LRP1B: variants seen among roughly 807,000 people sequenced by gnomAD.
LRP1B encodes LDL receptor related protein 1B, also known as low-density lipoprotein receptor-related protein 1B.
In LRP1B, 217 loss-of-function variants were observed where a neutral mutation model predicts 556.6. That is an observed-to-expected ratio of 0.39 (90% CI 0.35 to 0.44). The LOEUF (loss-of-function observed/expected upper bound fraction) is 0.44. Among genes scored for constraint, LRP1B ranks in the 20% least tolerant of loss-of-function variants. The pLI is 1.00. For synonymous variants in LRP1B, 2,047 were observed against 1,865.8 expected, an observed-to-expected ratio of 1.10 and a Z score of -2.50; for missense variants, 5,053 against 5,620.8, an observed-to-expected ratio of 0.90 and a Z score of 3.23.
rs563066311 is a variant in LRP1B at position 141,044,618 on chromosome 2, A to G, written c.1789+4368T>C. On this transcript the variant is annotated intron_variant, in intron 11 of 90. Transcript: ENST00000389484. ...ATCAAAAAGTGGGCAAAGGACATGAACAGACACTTCTCAAAAGAAGACATT... is the reference window on the plus strand; with the variant it reads ...ATCAAAAAGTGGGCAAAGGACATGAGCAGACACTTCTCAAAAGAAGACATT... Among the ~76,000 whole-genome samples the G allele has an allele frequency of 1.1e-4, 17 of 152,054 alleles. No individual in the cohort carries two copies. The South Asian group carries it at 3.3e-3, about 30-fold the overall frequency.
At chr2:141,770,690 T>G (rs1001153789) in intron 2 of LRP1B, among the ~76,000 whole-genome samples, 1 of 152,346 alleles carries the variant, frequency 6.6e-6, no homozygotes, top group African/African-American at 2.4e-5. Flanking sequence ...GAAAGTAGAT[T>G]GCAATGCCCA....
At chr2:140,483,642 T>A (rs11695108) in intron 59 of LRP1B, among the ~76,000 whole-genome samples, 281 of 60,870 alleles carry the variant, frequency 4.6e-3, no homozygotes, top group East Asian at 0.043. Context: ...ATATATATAT[T>A]TTTTTTTTTT....
intron 1 of LRP1B, among the ~76,000 whole-genome samples, chr2:141,943,978 G>A (rs959389737): frequency 2.0e-5 from 3 of 152,150 alleles, no homozygotes; most frequent in African/African-American, 7.2e-5. Flanking sequence ...TTGAATCCCA[G>A]GTTCCCACAG....
intron 5 of LRP1B, among the ~76,000 whole-genome samples, chr2:141,240,908 A>G (rs1277834034): frequency 6.6e-6 from 1 of 152,130 alleles, no homozygotes; most frequent in Non-Finnish European, 1.5e-5. Flanking sequence ...GAAAGGTGTC[A>G]TGACACATAA....
intron 3 of LRP1B, among the ~76,000 whole-genome samples, chr2:141,467,570 C>G (rs577990919): frequency 6.6e-6 from 1 of 152,032 alleles, no homozygotes; most frequent in South Asian, 2.1e-4. Context: ...GGCAGATAGA[C>G]GAACTGATGA....
At chr2:141,773,044 G>C (rs1694952519) in intron 2 of LRP1B, among the ~76,000 whole-genome samples, 1 of 152,100 alleles carries the variant, frequency 6.6e-6, no homozygotes, top group South Asian at 2.1e-4. Flanking sequence ...TATTAAACTA[G>C]AGTAAATTAA....
At chr2:140,751,570 AT>A (rs1191409366) in intron 35 of LRP1B, among the ~76,000 whole-genome samples, 1 of 152,170 alleles carries the variant, frequency 6.6e-6, no homozygotes, top group East Asian at 1.9e-4. Context: ...GAAAAATAAT[AT>A]TTTAATACTT....
chr2:140,611,400 A>G (rs1683067424), intron 41 of LRP1B, among the ~76,000 whole-genome samples: 1 of 152,170 alleles, frequency 6.6e-6, no homozygotes. Context: ...GAAAATATCA[A>G]ATTTTGATGG....
At chr2:141,271,582 T>C (rs1028874352) in intron 3 of LRP1B, among the ~76,000 whole-genome samples, 3 of 151,808 alleles carry the variant, frequency 2.0e-5, no homozygotes, top group African/African-American at 4.8e-5. Context: ...TTGGATAATA[T>C]ATTCAAAGTG....
At chr2:140,254,319 T>C (rs1458274945) in intron 86 of LRP1B, among the ~76,000 whole-genome samples, 1 of 152,136 alleles carries the variant, frequency 6.6e-6, no homozygotes, top group Non-Finnish European at 1.5e-5. Context: ...TATGTGAATG[T>C]CTTAATTAGT....
chr2:140,304,639 T>C (rs1483144575), intron 83 of LRP1B, among the ~76,000 whole-genome samples: 1 of 152,226 alleles, frequency 6.6e-6, no homozygotes, highest in Non-Finnish European at 1.5e-5. Context: ...TCTTTTGCTG[T>C]GCAGAAGCTC....
chr2:140,657,560 T>C (rs1276763365), intron 41 of LRP1B, among the ~76,000 whole-genome samples: 1 of 145,068 alleles, frequency 6.9e-6, no homozygotes, highest in Non-Finnish European at 1.5e-5. Flanking sequence ...TTCATATATA[T>C]ATATACACAT....
chr2:140,650,465 C>G (rs993138330), intron 41 of LRP1B, among the ~76,000 whole-genome samples: 1 of 151,936 alleles, frequency 6.6e-6, no homozygotes, highest in Non-Finnish European at 1.5e-5. Flanking sequence ...TCTCCTGTCT[C>G]AGCCTCCCAA....
At chr2:140,476,992 A>C (rs1688002722) in intron 59 of LRP1B, among the ~76,000 whole-genome samples, 1 of 152,016 alleles carries the variant, frequency 6.6e-6, no homozygotes, top group Admixed American at 6.6e-5. Context: ...AAAATCTTGA[A>C]TTATTTTTGT....
rs575973893 is a variant in LRP1B at position 141,833,526 on chromosome 2, T to C, written c.83-23125A>G. ...AACAGTGACAGAGTGACAGGAATAGTATATTCATTAATTAATAAACATTTG... is the reference window on the plus strand; with the variant it reads ...AACAGTGACAGAGTGACAGGAATAGCATATTCATTAATTAATAAACATTTG... On this transcript the variant is annotated intron_variant, in intron 1 of 90. Coordinates refer to ENST00000389484, the MANE Select transcript of LRP1B (RefSeq NM_018557.3). 9.2e-5 allele frequency among the ~76,000 whole-genome samples: 14 copies of C among 152,012 alleles called. No individual in the cohort carries two copies. In the South Asian group the frequency reaches 1.7e-3, roughly 18 times the overall value.
At chr2:141,376,394 C>A (rs529253510) in intron 3 of LRP1B, among the ~76,000 whole-genome samples, 1 of 152,328 alleles carries the variant, frequency 6.6e-6, no homozygotes, top group Non-Finnish European at 1.5e-5. Flanking sequence ...CAGCCAGTCT[C>A]TGGCCAGGCA....
At chr2:141,667,431 A>G (rs1264350698) in intron 2 of LRP1B, among the ~76,000 whole-genome samples, 2 of 152,224 alleles carry the variant, frequency 1.3e-5, no homozygotes, top group Admixed American at 1.3e-4. Flanking sequence ...GGAAAACAAT[A>G]TCACTTGACA....
At chr2:141,058,478 T>C (rs1363936232) in intron 9 of LRP1B, among the ~76,000 whole-genome samples, 1 of 151,872 alleles carries the variant, frequency 6.6e-6, no homozygotes, top group African/African-American at 2.4e-5. Flanking sequence ...ACAATTGCAA[T>C]GTTAAGTTAG....
At chr2:140,745,932 A>T (rs1688298762) in intron 35 of LRP1B, among the ~76,000 whole-genome samples, 1 of 152,210 alleles carries the variant, frequency 6.6e-6, no homozygotes, top group Admixed American at 6.5e-5. Flanking sequence ...AGAGCATAGA[A>T]TTTAAGAGAA....
Sources: allele counts gnomAD v4.1 joint callset (sites outside exome capture counted in the v4.1 genomes callset), GRCh38; gene constraint gnomAD v4.1.1; transcripts MANE v1.5; gene names NCBI Gene and HGNC (gene_info 2026-07-23, HGNC 2026-07-21).